Variants in C2orf69 observed in about 807,000 individuals in gnomAD.
C2orf69 encodes the protein chromosome 2 open reading frame 69.
A neutral mutation model predicts 29.5 loss-of-function variants in C2orf69; 19 were observed. The ratio of observed to expected loss-of-function variants is 0.65; its 90% CI spans 0.45 to 0.95. C2orf69 has a LOEUF of 0.95. Among genes scored for constraint, C2orf69 ranks in the 40% least tolerant of loss-of-function variants. C2orf69 has a pLI of 0.00. For synonymous variants in C2orf69, 194 were observed against 180.0 expected, an observed-to-expected ratio of 1.08 and a Z score of -0.62; for missense variants, 416 against 482.1, an observed-to-expected ratio of 0.86 and a Z score of 1.28.
At chr2:199,923,990 CT>C (rs1369223702) in intron 1 of C2orf69, among the ~76,000 whole-genome samples, 6 of 151,850 alleles carry the variant, frequency 4.0e-5, no homozygotes, top group Admixed American at 1.3e-4. Context: ...AATCACCTCC[CT>C]TTTAAAAAAA....
rs2077333698 is a variant in C2orf69, at chr2:199,925,946, T to C, written c.*60T>C. ...AGAACATAAGCACTTTTGAGTGTTA[T>C]AAATTCAGATAATGGGATGTAATTC... On this transcript the variant is annotated 3_prime_UTR_variant, in exon 2 of 2. Coordinates refer to ENST00000319974, the MANE Select transcript of C2orf69 (RefSeq NM_153689.6). The surrounding 1 kb of genome is among the most constrained non-coding windows in gnomAD (Gnocchi z 4.9). 1.8e-6 allele frequency: 2 copies of C among 1,090,612 alleles called. No homozygotes were observed. Among genetic ancestry groups the C allele is most frequent in the Non-Finnish European group, 2.7e-6 (2 of 754,298 alleles). The allele number at this position is 1,090,612 out of a possible 1,614,324, so 67.6% of individuals were successfully genotyped here. A position where few individuals can be genotyped will look rare whatever the true frequency, so the allele number is the denominator to read the frequency against.
At position 199,925,772 on chromosome 2, in the gene C2orf69, C is replaced by G. The variant is rs776031021; in HGVS notation, c.1044C>G (p.His348Gln). Residue 348 changes from histidine to glutamine, a missense_variant, in exon 2 of 2, where the codon CAC becomes CAG. Transcript: ENST00000319974. This position sits in a 1 kb window ranked among gnomAD's most constrained non-coding sequence, Gnocchi z 4.9. ...TGAGATCTTGGATTGGAAAGGAGCA[C>G]AAGAAATTTGTTCAGATACTTGGGG... ...DPMRSWIGKEHKKFVQILGDL... is the reference protein window; with the variant it reads ...DPMRSWIGKEQKKFVQILGDL... 7 of 1,613,706 alleles carry G rather than the reference C, an allele frequency of 4.3e-6. No individual in the cohort carries two copies. The African/African-American group carries it at 9.3e-5, about 22-fold the overall frequency.
intron 1 of C2orf69, among the ~76,000 whole-genome samples, chr2:199,912,109 C>CGTGT (rs1043352316): frequency 6.6e-6 from 1 of 151,910 alleles, no homozygotes; most frequent in African/African-American, 2.4e-5. Context: ...CTCAGAGGAC[C>CGTGT]GTGTGTGTGT....
intron 1 of C2orf69, among the ~76,000 whole-genome samples, chr2:199,912,108 C>G (rs1478527543): frequency 6.6e-6 from 1 of 152,100 alleles, no homozygotes; most frequent in Non-Finnish European, 1.5e-5. Context: ...TCTCAGAGGA[C>G]CGTGTGTGTG....
In C2orf69 at chr2:199,926,464, A is replaced by T. The variant is rs2077335438; in HGVS notation, c.*578A>T. On this transcript the variant is annotated 3_prime_UTR_variant, in exon 2 of 2. Coordinates refer to ENST00000319974, the MANE Select transcript of C2orf69 (RefSeq NM_153689.6). ...TTTGTTTCCAAATGTCCACAAGTGT[A>T]CAATAGTGTAAAGGTGGTTTTTAAA... 1 of 153,698 alleles carries T rather than the reference A, an allele frequency of 6.5e-6. No individual in the cohort carries two copies. The highest frequency in any genetic ancestry group is 1.4e-5 in the Non-Finnish European group (1 of 69,010). The allele number at this position is 153,698 out of a possible 1,614,324, so 9.5% of individuals were successfully genotyped here.
intron 1 of C2orf69, among the ~76,000 whole-genome samples, chr2:199,915,709 G>A (rs751843357): frequency 1.3e-5 from 2 of 151,832 alleles, no homozygotes; most frequent in Non-Finnish European, 2.9e-5. Flanking sequence ...TAGAGATGGG[G>A]TTTCACCATG....
At chr2:199,921,569 G>T (rs1259076784) in intron 1 of C2orf69, among the ~76,000 whole-genome samples, 2 of 152,112 alleles carry the variant, frequency 1.3e-5, no homozygotes, top group Non-Finnish European at 2.9e-5. Flanking sequence ...ATTAAGAATG[G>T]GTAAAGATGT....
chr2:199,913,386 ATAATAAC>A (rs1246852665), intron 1 of C2orf69, among the ~76,000 whole-genome samples: 1 of 109,048 alleles, frequency 9.2e-6, no homozygotes, highest in South Asian at 2.3e-4. Context: ...TATATTATAT[ATAATAAC>A]ATATATTATA....
Position 199,925,912 on chromosome 2 carries a change from T to C in C2orf69, c.*26T>C. The C allele has an allele frequency of 6.8e-7, 1 of 1,467,896 alleles. No individual in the cohort carries two copies. The highest frequency in any genetic ancestry group is 9.4e-7 in the Non-Finnish European group (1 of 1,060,982). 90.9% of individuals were successfully genotyped at this position (1,467,896 alleles called of 1,614,324 possible). A position where few individuals can be genotyped will look rare whatever the true frequency, so the allele number is the denominator to read the frequency against. ...GATTACAGGTATATTAATGAACTTGTTCAGTGGAAGAACATAAGCACTTTT... is the reference window on the plus strand; with the variant it reads ...GATTACAGGTATATTAATGAACTTGCTCAGTGGAAGAACATAAGCACTTTT... On this transcript the variant is annotated 3_prime_UTR_variant, in exon 2 of 2. Transcript: ENST00000319974. This position sits in a 1 kb window ranked among gnomAD's most constrained non-coding sequence, Gnocchi z 4.9.
intron 1 of C2orf69, among the ~76,000 whole-genome samples, chr2:199,917,350 T>C (rs190236286): frequency 6.4e-4 from 98 of 152,380 alleles, no homozygotes; most frequent in African/African-American, 2.2e-3. Flanking sequence ...TCGTTACTTA[T>C]GCAAGTTTCT....
At chr2:199,920,953 C>CAAA (rs1284333280) in intron 1 of C2orf69, among the ~76,000 whole-genome samples, 4 of 45,900 alleles carry the variant, frequency 8.7e-5, no homozygotes, top group Admixed American at 4.0e-4. Context: ...CTGAGACTCT[C>CAAA]AAAAAAAAAA....
intron 1 of C2orf69, among the ~76,000 whole-genome samples, chr2:199,922,672 C>G (rs1319088833): frequency 6.6e-6 from 1 of 152,064 alleles, no homozygotes; most frequent in Non-Finnish European, 1.5e-5. Flanking sequence ...ATTTTTCTCT[C>G]ACCTTCTATA....
At chr2:199,923,660 A>G (rs2077325971) in intron 1 of C2orf69, among the ~76,000 whole-genome samples, 1 of 152,222 alleles carries the variant, frequency 6.6e-6, no homozygotes, top group African/African-American at 2.4e-5. Context: ...GAATGTTAAG[A>G]ATCCTCCAGT....
intron 1 of C2orf69, among the ~76,000 whole-genome samples, chr2:199,920,692 C>T (rs1188406006): frequency 6.6e-6 from 1 of 151,930 alleles, no homozygotes; most frequent in East Asian, 1.9e-4. Context: ...CGCGGTGGCT[C>T]ATGCCTGTAA....
rs1167376158 is a variant in C2orf69 at position 199,911,425 on chromosome 2, C to A, written c.-14C>A. 1.3e-6 allele frequency: 2 copies of A among 1,506,990 alleles called. No individual in the cohort carries two copies. The highest frequency in any genetic ancestry group is 1.8e-6 in the Non-Finnish European group (2 of 1,128,542). The allele number at this position is 1,506,990 out of a possible 1,614,324, so 93.4% of individuals were successfully genotyped here. A position where few individuals can be genotyped will look rare whatever the true frequency, so the allele number is the denominator to read the frequency against. On this transcript the variant is annotated 5_prime_UTR_variant, in exon 1 of 2. Coordinates refer to ENST00000319974, the MANE Select transcript of C2orf69 (RefSeq NM_153689.6). ...CCACCCTCCACCTCCGAACCGCTCT[C>A]GCGGCGGCGACCCATGTGGGGGTTC...
chr2:199,919,979 C>T (rs1013345878), intron 1 of C2orf69, among the ~76,000 whole-genome samples: 13 of 152,198 alleles, frequency 8.5e-5, no homozygotes, highest in African/African-American at 3.1e-4. Flanking sequence ...TTTTGCAGGT[C>T]AGCAAGCATC....
In C2orf69 at chr2:199,925,635, C is replaced by A; in HGVS notation, c.907C>A (p.His303Asn). ...IRTMYWLDGG[H>N]SGGSNTWVTY... is the part of the protein sequence containing the mutation. ...AACAATGTATTGGCTGGATGGTGGT[C>A]ATTCTGGAGGAAGCAATACTTGGGT... is the stretch of plus-strand genomic sequence containing the variant. The change falls in exon 2 of 2, where the codon CAT becomes AAT. Residue 303 changes from histidine (H) to asparagine (N), a missense_variant. His to Asn is a moderately conservative substitution (Grantham distance 68). Transcript: ENST00000319974. This position sits in a 1 kb window ranked among gnomAD's most constrained non-coding sequence, Gnocchi z 4.9. 1.2e-6 allele frequency: 2 copies of A among 1,613,804 alleles called. No homozygotes were observed. Among genetic ancestry groups the A allele is most frequent in the South Asian group, 2.2e-5 (2 of 91,006 alleles).
At chr2:199,919,267 CT>C (rs1434964856) in intron 1 of C2orf69, among the ~76,000 whole-genome samples, 1 of 152,196 alleles carries the variant, frequency 6.6e-6, no homozygotes, top group Non-Finnish European at 1.5e-5. Context: ...TAGTCTGTTC[CT>C]TTTATTTACA....
Position 199,911,586 on chromosome 2 carries a change from C to A in C2orf69, c.148C>A (p.Arg50Ser), listed in dbSNP as rs868667563. ...GARCSLSAEV[R>S]RRQCLQLSTV... The stretch of plus-strand genomic sequence containing the variant: ...GCGATGCTCCCTCTCGGCCGAGGTG[C>A]GCCGCCGTCAGTGCCTGCAGCTTTC... The change falls in exon 1 of 2, where the codon CGC becomes AGC. Residue 50 changes from arginine (R) to serine (S), a missense_variant. By Grantham distance (110) the Arg-to-Ser change is moderately radical. Around this residue, in one of 4 missense-constraint regions of C2orf69, gnomAD observed 175 missense variants for 139.9 expected, o/e 1.25. Transcript: ENST00000319974. The A allele has an allele frequency of 6.5e-7, 1 of 1,549,580 alleles. No homozygotes were observed. The highest frequency in any genetic ancestry group is 8.7e-7 in the Non-Finnish European group (1 of 1,146,648).
Sources: allele counts gnomAD v4.1 joint callset (sites outside exome capture counted in the v4.1 genomes callset), GRCh38; gene constraint gnomAD v4.1.1; regional missense constraint gnomAD v4.1.1; non-coding constraint Gnocchi (gnomAD v3.1); transcripts MANE v1.5; gene names NCBI Gene and HGNC (gene_info 2026-07-23, HGNC 2026-07-21).